Variants in B3GALT1 observed in about 807,000 individuals in gnomAD.
B3GALT1 encodes UDP-Gal:betaGlcNAc beta 1,3-galactosyltransferase, polypeptide 1.
Under a neutral mutation model 23.2 loss-of-function variants are expected in B3GALT1, and 10 were observed. That is an observed-to-expected ratio of 0.43 (90% CI 0.27 to 0.73). B3GALT1 has a LOEUF of 0.73. Among genes scored for constraint, B3GALT1 ranks in the 30% least tolerant of loss-of-function variants. B3GALT1 has a pLI of 0.21. For missense variants in B3GALT1, 299 were observed against 405.4 expected (o/e 0.74, Z 2.25); for synonymous variants, 156 against 141.5 (o/e 1.10, Z -0.73).
chr2:167,847,704 AC>A (rs1410982431), intron 4 of B3GALT1, among the ~76,000 whole-genome samples: 1 of 152,128 alleles, frequency 6.6e-6, no homozygotes, highest in East Asian at 1.9e-4. Context: ...AACAAACCAA[AC>A]CCAAACCCAT....
At chr2:167,709,807 G>T (rs902877543) in intron 3 of B3GALT1, among the ~76,000 whole-genome samples, 2 of 151,982 alleles carry the variant, frequency 1.3e-5, no homozygotes, top group East Asian at 3.9e-4. Flanking sequence ...GGAAATTCTA[G>T]CTCTACAACA....
intron 4 of B3GALT1, among the ~76,000 whole-genome samples, chr2:167,866,406 C>T (rs1317055195): frequency 6.6e-6 from 1 of 152,154 alleles, no homozygotes; most frequent in Admixed American, 6.5e-5. Flanking sequence ...CTAGCAGTTT[C>T]TTAAGGGAGG....
intron 3 of B3GALT1, among the ~76,000 whole-genome samples, chr2:167,762,790 G>A (rs1687916895): frequency 6.6e-6 from 1 of 152,126 alleles, no homozygotes; most frequent in African/African-American, 2.4e-5. Context: ...TTGTATGAAG[G>A]ACTTCAGAAG....
chr2:167,652,768 G>A (rs1685889551), intron 3 of B3GALT1, among the ~76,000 whole-genome samples: 1 of 151,982 alleles, frequency 6.6e-6, no homozygotes, highest in South Asian at 2.1e-4. Context: ...ATTCATCTTT[G>A]TCCCCAGTGA....
intron 1 of B3GALT1, among the ~76,000 whole-genome samples, chr2:167,457,578 G>A (rs1699191146): frequency 6.6e-6 from 1 of 152,004 alleles, no homozygotes; most frequent in South Asian, 2.1e-4. Flanking sequence ...TTATTGTACT[G>A]TAGCAGCTTT....
At chr2:167,829,991 A>T (rs1441281888) in intron 4 of B3GALT1, among the ~76,000 whole-genome samples, 1 of 152,208 alleles carries the variant, frequency 6.6e-6, no homozygotes, top group African/African-American at 2.4e-5. Context: ...AAGGCAAAAG[A>T]AATGTCTAGA....
chr2:167,719,931 CAA>C (rs747995850), intron 3 of B3GALT1, among the ~76,000 whole-genome samples: 13 of 133,160 alleles, frequency 9.8e-5, no homozygotes, highest in South Asian at 2.4e-4. Context: ...GACCCTGTCT[CAA>C]AAAAAAAAAA....
intron 1 of B3GALT1, among the ~76,000 whole-genome samples, chr2:167,320,749 T>C (rs1216984101): frequency 6.6e-6 from 1 of 152,102 alleles, no homozygotes; most frequent in Non-Finnish European, 1.5e-5. Flanking sequence ...TTTTAAAAAA[T>C]GAATTGGAAA....
At chr2:167,617,654 C>A in intron 2 of B3GALT1, among the ~76,000 whole-genome samples, 1 of 152,036 alleles carries the variant, frequency 6.6e-6, no homozygotes, top group Non-Finnish European at 1.5e-5. Context: ...TAACTACATT[C>A]TTTTATCAGT....
chr2:167,295,548 C>T (rs1696335074), intron 1 of B3GALT1, among the ~76,000 whole-genome samples: 1 of 151,978 alleles, frequency 6.6e-6, no homozygotes, highest in Non-Finnish European at 1.5e-5. Flanking sequence ...TATTAATTAA[C>T]AATTTTAAAA....
chr2:167,396,534 ATGTGTGTGTG>A (rs67013700), intron 1 of B3GALT1, among the ~76,000 whole-genome samples: 42 of 142,248 alleles, frequency 3.0e-4, no homozygotes, highest in African/African-American at 5.4e-4. Flanking sequence ...ATATATATAT[ATGTGTGTGTG>A]TGTGTGTGTG....
At chr2:167,406,654 T>G (rs187493714) in intron 1 of B3GALT1, among the ~76,000 whole-genome samples, 1 of 151,808 alleles carries the variant, frequency 6.6e-6, no homozygotes, top group Non-Finnish European at 1.5e-5. Context: ...CATGACTGAG[T>G]GAAGGAAGAA....
chr2:167,639,601 TTAGA>T (rs10572228), intron 2 of B3GALT1, among the ~76,000 whole-genome samples: 114,737 of 151,276 alleles, frequency 0.76, 43,588 homozygotes, highest in Admixed American at 0.82. Context: ...TACTGGAGAC[TTAGA>T]TAGACAGAGA....
chr2:167,479,908 C>A (rs1699537755), intron 1 of B3GALT1, among the ~76,000 whole-genome samples: 1 of 152,134 alleles, frequency 6.6e-6, no homozygotes, highest in South Asian at 2.1e-4. Context: ...TGCTTATTAG[C>A]TGGGGAACCA....
chr2:167,579,841 T>C (rs1346638300), intron 2 of B3GALT1, among the ~76,000 whole-genome samples: 1 of 152,116 alleles, frequency 6.6e-6, no homozygotes, highest in Admixed American at 6.6e-5. Context: ...GTCCCTCACC[T>C]TTACACAGTC....
chr2:167,388,156 T>C (rs935540527), intron 1 of B3GALT1, among the ~76,000 whole-genome samples: 2 of 152,142 alleles, frequency 1.3e-5, no homozygotes, highest in South Asian at 2.1e-4. Context: ...CCTGCATTTA[T>C]TGGGAGATGT....
intron 2 of B3GALT1, among the ~76,000 whole-genome samples, chr2:167,588,892 TC>T (rs1289999237): frequency 1.3e-5 from 2 of 149,456 alleles, no homozygotes; most frequent in Non-Finnish European, 3.0e-5. Context: ...CTTCCTTTCT[TC>T]CTTCTTTCCT....
At chr2:167,486,348 ACT>A (rs1291823822) in intron 1 of B3GALT1, among the ~76,000 whole-genome samples, 3 of 133,548 alleles carry the variant, frequency 2.2e-5, no homozygotes, top group Admixed American at 7.8e-5. Context: ...ACAGAGTGAG[ACT>A]CTGTCTCAAA....
intron 3 of B3GALT1, among the ~76,000 whole-genome samples, chr2:167,744,208 G>A (rs1195591010): frequency 6.6e-6 from 1 of 152,040 alleles, no homozygotes; most frequent in Non-Finnish European, 1.5e-5. Context: ...CACTAGTTGT[G>A]TGCAGGAGTC....
Sources: gnomAD v4.1 joint callset for allele counts (sites outside exome capture counted in the v4.1 genomes callset) on GRCh38, gnomAD v4.1.1 for gene constraint, MANE v1.5 for transcripts, NCBI Gene and HGNC (gene_info 2026-07-23, HGNC 2026-07-21) for gene names.